KANSL1: variants seen among roughly 807,000 people sequenced by gnomAD.
The protein encoded by KANSL1 is MLL1/MLL complex subunit KANSL1.
KANSL1 carries 22 observed loss-of-function variants against 103.6 expected under a neutral mutation model. The ratio of observed to expected loss-of-function variants is 0.21; its 90% CI spans 0.15 to 0.30. The LOEUF (loss-of-function observed/expected upper bound fraction) is 0.30, where lower values mean the gene tolerates loss of function less well. Ranked by LOEUF, KANSL1 falls within the 10% of genes least tolerant of loss-of-function variation. The pLI is 1.00. For synonymous variants in KANSL1, 600 were observed against 527.6 expected (o/e 1.14, Z -1.88); for missense variants, 1,337 against 1,399.8 (o/e 0.96, Z 0.72).
intron 2 of KANSL1, among the ~76,000 whole-genome samples, chr17:46,118,808 T>C (rs2043154488): frequency 6.6e-6 from 1 of 152,228 alleles, no homozygotes; most frequent in Non-Finnish European, 1.5e-5. Flanking sequence ...TGCTTCCCTC[T>C]ATCAGAGGTG....
At chr17:46,115,445 C>CAA (rs2043001705) in intron 2 of KANSL1, among the ~76,000 whole-genome samples, 1 of 151,650 alleles carries the variant, frequency 6.6e-6, no homozygotes, top group Non-Finnish European at 1.5e-5. Context: ...ATAAAGCTAT[C>CAA]GAGTGTCAAC....
intron 6 of KANSL1, among the ~76,000 whole-genome samples, chr17:46,053,530 C>T (rs1479299721): frequency 1.3e-5 from 2 of 151,808 alleles, no homozygotes; most frequent in African/African-American, 4.8e-5. Flanking sequence ...CTTCCAGGTT[C>T]ACACCATTCT....
chr17:46,132,841 G>T (rs1392154324), intron 2 of KANSL1, among the ~76,000 whole-genome samples: 1 of 152,112 alleles, frequency 6.6e-6, no homozygotes, highest in Non-Finnish European at 1.5e-5. Context: ...TGCTCGGGAG[G>T]CTGAGGCAGA....
intron 2 of KANSL1, among the ~76,000 whole-genome samples, chr17:46,145,181 T>C (rs2044634607): frequency 6.6e-6 from 1 of 152,262 alleles, no homozygotes; most frequent in Admixed American, 6.5e-5. Context: ...GAGACTAGTT[T>C]TGCATGAAAG....
chr17:46,105,949 C>CACACACACACACACACACACACACACA (rs1567680988), intron 2 of KANSL1, among the ~76,000 whole-genome samples: 7 of 49,310 alleles, frequency 1.4e-4, no homozygotes, highest in African/African-American at 4.5e-4. Context: ...ACACACACAC[C>CACACACACACACACACACACACACACA]CCCCCAGAAG....
Position 46,105,906 on chromosome 17 carries a change from GACACACACACAC to G in KANSL1, c.1290-11217_1290-11206del, listed in dbSNP as rs773000790. ...ACACACACACACAGAGCAAGGCCTT[GACACACACACAC>G]ACACACACACACACACACACACACA... is the stretch of plus-strand genomic sequence containing the variant. On this transcript the variant is annotated intron_variant, in intron 2 of 14. Transcript: ENST00000432791. 3.6e-3 allele frequency among the ~76,000 whole-genome samples: 343 copies of G among 95,250 alleles called. 2 individuals carry two copies. Among genetic ancestry groups the G allele is most frequent in the African/African-American group, 0.015 (322 of 22,034 alleles). 62.5% of individuals were successfully genotyped at this position (95,250 alleles called of 152,430 possible). A position where few individuals can be genotyped will look rare whatever the true frequency, so the allele number is the denominator to read the frequency against.
intron 4 of KANSL1, among the ~76,000 whole-genome samples, chr17:46,068,328 C>A (rs962702193): frequency 6.6e-6 from 1 of 152,038 alleles, no homozygotes; most frequent in African/African-American, 2.4e-5. Flanking sequence ...TTTTGAGAGG[C>A]AAAGGTAGGA....
At chr17:46,158,426 G>A (rs1052808081) in intron 2 of KANSL1, among the ~76,000 whole-genome samples, 15 of 149,850 alleles carry the variant, frequency 1.0e-4, no homozygotes, top group African/African-American at 3.0e-4. Context: ...TGGCACGATC[G>A]ATCTCGGCTC....
In KANSL1 at chr17:46,147,447, G is replaced by A. The variant is rs548888989; in HGVS notation, c.1289+23408C>T. Among the ~76,000 whole-genome samples the A allele has an allele frequency of 5.3e-5, 8 of 152,070 alleles. No individual in the cohort carries two copies. In the East Asian group the frequency reaches 9.7e-4, roughly 18 times the overall value. On this transcript the variant is annotated intron_variant, in intron 2 of 14. Coordinates refer to ENST00000432791, the MANE Select transcript of KANSL1 (RefSeq NM_015443.4). ...AAATTAGCCAGATGTGGTAGCATGCGCCTGTAGTGCCAGCTACTCGGGAGG... is the reference window on the plus strand; with the variant it reads ...AAATTAGCCAGATGTGGTAGCATGCACCTGTAGTGCCAGCTACTCGGGAGG...
intron 2 of KANSL1, among the ~76,000 whole-genome samples, chr17:46,147,511 G>T (rs755278272): frequency 4.0e-5 from 6 of 151,192 alleles, no homozygotes; most frequent in Non-Finnish European, 7.4e-5. Flanking sequence ...GAGGCAGAGG[G>T]TGTAGTGGGC....
At chr17:46,099,702 C>A (rs1249398728) in intron 2 of KANSL1, among the ~76,000 whole-genome samples, 1 of 152,208 alleles carries the variant, frequency 6.6e-6, no homozygotes, top group African/African-American at 2.4e-5. Context: ...GAGTAGGACA[C>A]TAGAATGCCT....
chr17:46,123,890 G>C (rs1598683585), intron 2 of KANSL1, among the ~76,000 whole-genome samples: 2 of 152,330 alleles, frequency 1.3e-5, no homozygotes, highest in East Asian at 3.9e-4. Context: ...CAACATGTCA[G>C]CAATGTAGAA....
chr17:46,120,460 G>A (rs1292201419), intron 2 of KANSL1, among the ~76,000 whole-genome samples: 1 of 152,140 alleles, frequency 6.6e-6, no homozygotes, highest in Non-Finnish European at 1.5e-5. Flanking sequence ...TGAAAGAAAG[G>A]AGGTCTACTG....
rs558445409 is a variant in KANSL1, at chr17:46,111,266, G to A, written c.1290-16565C>T. On this transcript the variant is annotated intron_variant, in intron 2 of 14. Transcript: ENST00000432791. ...CGCTCTGTCGTCCAGGCTGGAGTGC[G>A]ATGGCGTGATCTCGGCTTACTGCAA... Among the ~76,000 whole-genome samples the A allele has an allele frequency of 8.5e-5, 13 of 152,186 alleles. No individual in the cohort carries two copies. In the South Asian group the frequency reaches 2.1e-3, roughly 24 times the overall value.
chr17:46,186,903 G>GTT (rs56296060), intron 1 of KANSL1, among the ~76,000 whole-genome samples: 4 of 147,974 alleles, frequency 2.7e-5, no homozygotes, highest in East Asian at 2.0e-4. Flanking sequence ...AATTTTTGCT[G>GTT]TTTTTTTTTT....
chr17:46,167,081 A>C (rs1229036446), intron 2 of KANSL1, among the ~76,000 whole-genome samples: 8 of 151,874 alleles, frequency 5.3e-5, no homozygotes, highest in Non-Finnish European at 1.0e-4. Context: ...TAGGAGAGAG[A>C]GACCTACATA....
rs965209220 is a variant in KANSL1, at chr17:46,146,657, C to A, written c.1289+24198G>T. On this transcript the variant is annotated intron_variant, in intron 2 of 14. Coordinates refer to ENST00000432791, the MANE Select transcript of KANSL1 (RefSeq NM_015443.4). ...GACCATCCCAGCTAAAACGGTGAAA[C>A]CCCGTCTCTACTAAAAATACAAAAA... 7.4e-5 allele frequency among the ~76,000 whole-genome samples: 9 copies of A among 121,598 alleles called. 1 individual carries two copies. The highest frequency in any genetic ancestry group is 1.2e-4 in the Non-Finnish European group (6 of 48,098). 79.8% of individuals were successfully genotyped at this position (121,598 alleles called of 152,430 possible).
chr17:46,177,478 T>C (rs1047504217), intron 1 of KANSL1, among the ~76,000 whole-genome samples: 3 of 152,248 alleles, frequency 2.0e-5, no homozygotes, highest in African/African-American at 7.2e-5. Context: ...GTTAAATTAT[T>C]AAATATCCAT....
chr17:46,082,187 A>G lies in KANSL1; in HGVS notation c.1533+254T>C, dbSNP rs145277438. On this transcript the variant is annotated intron_variant, in intron 4 of 14. Coordinates refer to ENST00000432791, the MANE Select transcript of KANSL1 (RefSeq NM_015443.4). Reference sequence around the variant, plus strand: ...CCTGATTCCCAATGATACTCCCTAAAGCCTTACTTGCTCTGGCTGTAGTGT... The same window carrying G: ...CCTGATTCCCAATGATACTCCCTAAGGCCTTACTTGCTCTGGCTGTAGTGT... Among the ~76,000 whole-genome samples the G allele has an allele frequency of 1.4e-3, 213 of 152,232 alleles. 1 individual carries two copies. Among genetic ancestry groups the G allele is most frequent in the African/African-American group, 5.0e-3 (209 of 41,526 alleles).
Sources: gnomAD v4.1 joint callset for allele counts (sites outside exome capture counted in the v4.1 genomes callset) on GRCh38, gnomAD v4.1.1 for gene constraint, MANE v1.5 for transcripts, NCBI Gene and HGNC (gene_info 2026-07-23, HGNC 2026-07-21) for gene names.